ADCY2: variants seen among roughly 807,000 people sequenced by gnomAD.
ADCY2 encodes the protein adenylate cyclase 2.
A neutral mutation model predicts 125.2 loss-of-function variants in ADCY2; 31 were observed. The observed-to-expected ratio is 0.25, with a 90% CI of 0.19 to 0.33. The LOEUF (loss-of-function observed/expected upper bound fraction) is 0.33. Ranked by LOEUF, ADCY2 falls within the 10% of genes least tolerant of loss-of-function variation. The probability of loss-of-function intolerance (pLI) is 1.00; values close to 1 mark genes in which losing one functional copy is unlikely to be tolerated. For synonymous variants in ADCY2, 512 were observed against 548.4 expected (o/e 0.93, Z 0.93); for missense variants, 904 against 1,418.2 (o/e 0.64, Z 5.82).
chr5:7,532,927 G>GAGA (rs1734697012), intron 3 of ADCY2, among the ~76,000 whole-genome samples: 1 of 151,472 alleles, frequency 6.6e-6, no homozygotes, highest in Non-Finnish European at 1.5e-5. Context: ...ATGATTCTGA[G>GAGA]TGCTTTATTC....
At chr5:7,750,834 T>C (rs1034329800) in intron 15 of ADCY2, among the ~76,000 whole-genome samples, 1 of 152,128 alleles carries the variant, frequency 6.6e-6, no homozygotes, top group African/African-American at 2.4e-5. Flanking sequence ...GCCTGACTTT[T>C]ATTTTTGAGA....
At chr5:7,720,173 C>A (rs1741713386) in intron 12 of ADCY2, among the ~76,000 whole-genome samples, 1 of 152,126 alleles carries the variant, frequency 6.6e-6, no homozygotes, top group South Asian at 2.1e-4. Context: ...CTTCTCTCCT[C>A]TTCTCTCCCC....
At chr5:7,790,821 G>A (rs1038269693) in intron 20 of ADCY2, among the ~76,000 whole-genome samples, 5 of 151,978 alleles carry the variant, frequency 3.3e-5, no homozygotes, top group South Asian at 2.1e-4. Flanking sequence ...AAAGAGAAAC[G>A]GGGTAGACAA....
intron 4 of ADCY2, chr5:7,654,182 C>A (rs1232298610): frequency 4.4e-6 from 2 of 454,610 alleles, no homozygotes; most frequent in Non-Finnish European, 8.8e-6. Context: ...GCGCATCCAG[C>A]GAGAGGAAAG....
intron 16 of ADCY2, among the ~76,000 whole-genome samples, chr5:7,757,939 TC>T (rs1414615101): frequency 6.6e-6 from 1 of 152,176 alleles, no homozygotes; most frequent in African/African-American, 2.4e-5. Flanking sequence ...GTTCCCCACT[TC>T]CTTGCTCATG....
intron 2 of ADCY2, among the ~76,000 whole-genome samples, chr5:7,518,818 C>T (rs1744342867): frequency 6.6e-6 from 1 of 152,268 alleles, no homozygotes; most frequent in Non-Finnish European, 1.5e-5. Flanking sequence ...AGGGCAGGTG[C>T]CCTTCTCTCA....
intron 3 of ADCY2, among the ~76,000 whole-genome samples, chr5:7,559,969 T>C (rs546045291): frequency 6.6e-6 from 1 of 152,348 alleles, no homozygotes; most frequent in South Asian, 2.1e-4. Flanking sequence ...TCATTTATGA[T>C]AGTAAACTAC....
intron 22 of ADCY2, among the ~76,000 whole-genome samples, chr5:7,806,584 T>C (rs1744768698): frequency 6.6e-6 from 1 of 152,110 alleles, no homozygotes; most frequent in Admixed American, 6.5e-5. Flanking sequence ...CTCACTTCTC[T>C]TAGGCCTCCC....
intron 2 of ADCY2, among the ~76,000 whole-genome samples, chr5:7,468,557 A>G (rs1324486119): frequency 6.6e-6 from 1 of 152,160 alleles, no homozygotes; most frequent in Admixed American, 6.5e-5. Context: ...TTTTGCGATT[A>G]TAAAACTTGG....
At chr5:7,629,483 C>T (rs1226104786) in intron 4 of ADCY2, among the ~76,000 whole-genome samples, 1 of 152,128 alleles carries the variant, frequency 6.6e-6, no homozygotes, top group African/African-American at 2.4e-5. Flanking sequence ...ATAAAGTGGC[C>T]ATTTGTACTA....
chr5:7,498,726 G>A (rs1743437940), intron 2 of ADCY2, among the ~76,000 whole-genome samples: 1 of 152,126 alleles, frequency 6.6e-6, no homozygotes, highest in African/African-American at 2.4e-5. Context: ...GTACAAGAAT[G>A]TTCACAGCAG....
chr5:7,780,029 G>T (rs911819147), intron 18 of ADCY2, among the ~76,000 whole-genome samples: 7 of 152,150 alleles, frequency 4.6e-5, no homozygotes, highest in Admixed American at 2.6e-4. Flanking sequence ...TCAAGTTTGG[G>T]AGAAGAGTCC....
chr5:7,414,041 A>G (rs1412207647), intron 1 of ADCY2, among the ~76,000 whole-genome samples: 1 of 152,208 alleles, frequency 6.6e-6, no homozygotes, highest in Non-Finnish European at 1.5e-5. Context: ...CTCACGTTCC[A>G]TATTCAGCAC....
At position 7,709,254 on chromosome 5, in the gene ADCY2, C is replaced by T; in HGVS notation, c.1445C>T (p.Thr482Ile). The change falls in exon 10 of 25, where the codon ACC becomes ATC. Residue 482 changes from threonine to isoleucine, a missense_variant. Thr to Ile is a moderately conservative substitution (Grantham distance 89). Transcript: ENST00000338316. This position sits in a 1 kb window ranked among gnomAD's most constrained non-coding sequence, Gnocchi z 4.4. ...SPQHLFRPRH[T>I]LDGAKMRASV... The stretch of plus-strand genomic sequence containing the variant: ...CAGCATCTCTTCAGACCTCGCCACA[C>T]CCTTGATGGAGCCAAAATGAGGGCC... 1 of 1,613,922 alleles carries T rather than the reference C, an allele frequency of 6.2e-7. No individual in the cohort carries two copies. The highest frequency in any genetic ancestry group is 1.3e-5 in the African/African-American group (1 of 75,002).
At chr5:7,465,527 A>G (rs1156305105) in intron 2 of ADCY2, among the ~76,000 whole-genome samples, 1 of 152,164 alleles carries the variant, frequency 6.6e-6, no homozygotes, top group Non-Finnish European at 1.5e-5. Context: ...GTTGCAAGCT[A>G]TTGGTAGAGG....
rs1206847018 is a variant in ADCY2, at chr5:7,827,085, G to T, written c.*214G>T. 3 of 538,870 alleles carry T rather than the reference G, an allele frequency of 5.6e-6. No individual in the cohort carries two copies. The African/African-American group carries it at 5.7e-5, about 10-fold the overall frequency. 33.4% of individuals were successfully genotyped at this position (538,870 alleles called of 1,614,324 possible). A position where few individuals can be genotyped will look rare whatever the true frequency, so the allele number is the denominator to read the frequency against. ...GCACTGTGCTTGCTCCTAAGCAAAAGGGAAAAGGAGCGCGCGTGATAGAAG... is the reference window on the plus strand; with the variant it reads ...GCACTGTGCTTGCTCCTAAGCAAAATGGAAAAGGAGCGCGCGTGATAGAAG... On this transcript the variant is annotated 3_prime_UTR_variant, in exon 25 of 25. Transcript: ENST00000338316.
At chr5:7,608,104 A>G (rs1737444991) in intron 3 of ADCY2, among the ~76,000 whole-genome samples, 1 of 152,238 alleles carries the variant, frequency 6.6e-6, no homozygotes, top group Non-Finnish European at 1.5e-5. Flanking sequence ...AATTACAGGC[A>G]CAAAAGAATG....
In ADCY2 at chr5:7,709,408, A is replaced by G; in HGVS notation, c.1578+21A>G. 1 of 1,553,974 alleles carries G rather than the reference A, an allele frequency of 6.4e-7. No homozygotes were observed. Among genetic ancestry groups the G allele is most frequent in the East Asian group, 2.4e-5 (1 of 42,122 alleles). On this transcript the variant is annotated intron_variant, in intron 10 of 24. Transcript: ENST00000338316. The surrounding 1 kb of genome is among the most constrained non-coding windows in gnomAD (Gnocchi z 4.4). ...CCACGGTATGCCCTCCCCTGCCTCC[A>G]ATGCCTGAGCACTGGGGGAAAGCTA...
At chr5:7,453,160 A>G (rs1164088144) in intron 2 of ADCY2, among the ~76,000 whole-genome samples, 1 of 152,084 alleles carries the variant, frequency 6.6e-6, no homozygotes, top group African/African-American at 2.4e-5. Context: ...GGTCTTTGTC[A>G]TGAATTCTTT....
Sources: allele counts gnomAD v4.1 joint callset (sites outside exome capture counted in the v4.1 genomes callset), GRCh38; gene constraint gnomAD v4.1.1; non-coding constraint Gnocchi (gnomAD v3.1); transcripts MANE v1.5; gene names NCBI Gene and HGNC (gene_info 2026-07-23, HGNC 2026-07-21).